Variants in LRRIQ1 observed in about 807,000 individuals in gnomAD.
LRRIQ1 encodes the protein leucine-rich repeat- and IQ domain-containing protein 1.
LRRIQ1 carries 210 observed loss-of-function variants against 211.9 expected under a neutral mutation model. That is an observed-to-expected ratio of 0.99 (90% CI 0.89 to 1.11). LRRIQ1 has a LOEUF of 1.11. Among genes scored for constraint, LRRIQ1 ranks in the 50% most tolerant of loss-of-function variants. The pLI is 0.00. For missense variants in LRRIQ1, 2,136 were observed against 1,939.5 expected, an observed-to-expected ratio of 1.10 and a Z score of -1.90; for synonymous variants, 699 against 650.1, an observed-to-expected ratio of 1.08 and a Z score of -1.14.
chr12:85,254,470 T>C (rs577726099), intron 1 of LRRIQ1, among the ~76,000 whole-genome samples: 1 of 152,246 alleles, frequency 6.6e-6, no homozygotes, highest in South Asian at 2.1e-4. Flanking sequence ...ACATTTCACA[T>C]TTACCTTAAT....
chr12:85,046,138 G>C lies in LRRIQ1; in HGVS notation c.454+1G>C. 1 of 1,557,760 alleles carries C rather than the reference G, an allele frequency of 6.4e-7. No homozygotes were observed. The highest frequency in any genetic ancestry group is 8.8e-7 in the Non-Finnish European group (1 of 1,134,772). Reference sequence around the variant, plus strand: ...CCTATGGATGAACATGTTTTACCAGGTGGACTAAATTGCTCAATGATATGT... The same window carrying C: ...CCTATGGATGAACATGTTTTACCAGCTGGACTAAATTGCTCAATGATATGT... On this transcript the variant is annotated splice_donor_variant, in intron 5 of 26. Coordinates refer to ENST00000393217, the MANE Select transcript of LRRIQ1 (RefSeq NM_001079910.2). LOFTEE classifies it high-confidence loss of function.
intron 3 of LRRIQ1, among the ~76,000 whole-genome samples, chr12:85,043,304 G>C (rs1223015385): frequency 6.6e-6 from 1 of 151,982 alleles, no homozygotes; most frequent in Non-Finnish European, 1.5e-5. Context: ...CTGAAGGCTT[G>C]ACTGGATTAC....
At chr12:85,158,655 T>C (rs1410130292) in intron 23 of LRRIQ1, among the ~76,000 whole-genome samples, 1 of 152,040 alleles carries the variant, frequency 6.6e-6, no homozygotes, top group Non-Finnish European at 1.5e-5. Context: ...TAGGGGTTTC[T>C]TGAAACATTT....
At chr12:85,130,933 G>T (rs1217852807) in intron 18 of LRRIQ1, among the ~76,000 whole-genome samples, 1 of 151,966 alleles carries the variant, frequency 6.6e-6, no homozygotes, top group East Asian at 1.9e-4. Context: ...TGATAGGCCG[G>T]GCGCAGTGGC....
chr12:85,086,639 A>G (rs1483459938), intron 11 of LRRIQ1, among the ~76,000 whole-genome samples: 3 of 149,790 alleles, frequency 2.0e-5, no homozygotes, highest in Non-Finnish European at 4.4e-5. Context: ...GGAGAGATGC[A>G]CCCTCCTCCG....
intron 18 of LRRIQ1, among the ~76,000 whole-genome samples, chr12:85,130,735 G>A (rs1012868918): frequency 2.6e-5 from 4 of 152,152 alleles, no homozygotes; most frequent in African/African-American, 9.7e-5. Flanking sequence ...AGGGAGTACA[G>A]TGTGATATAG....
At chr12:85,245,277 A>G (rs1458687107), downstream of LRRIQ1, among the ~76,000 whole-genome samples, 1 of 151,412 alleles carries the variant, frequency 6.6e-6, no homozygotes, top group Non-Finnish European at 1.5e-5. Flanking sequence ...TTTACCATTG[A>G]TTTAATAGAT....
intron 8 of LRRIQ1, among the ~76,000 whole-genome samples, chr12:85,064,466 G>A (rs1448963596): frequency 6.6e-6 from 1 of 151,590 alleles, no homozygotes; most frequent in African/African-American, 2.4e-5. Flanking sequence ...CCCTTTCTGT[G>A]GACTGTCTCT....
downstream of LRRIQ1, among the ~76,000 whole-genome samples, chr12:85,249,562 G>A (rs1007548456): frequency 6.6e-6 from 1 of 151,720 alleles, no homozygotes; most frequent in African/African-American, 2.4e-5. Context: ...CCTACAATGT[G>A]AAAATCACTT....
At chr12:85,186,481 G>A (rs1411564325) in intron 24 of LRRIQ1, among the ~76,000 whole-genome samples, 1 of 152,142 alleles carries the variant, frequency 6.6e-6, no homozygotes, top group Admixed American at 6.6e-5. Context: ...TGTAACAAGC[G>A]TAACTCCTGG....
chr12:85,098,922 G>A lies in LRRIQ1; in HGVS notation c.3137G>A (p.Ser1046Asn). The A allele has an allele frequency of 1.3e-6, 2 of 1,572,346 alleles. No homozygotes were observed. The highest frequency in any genetic ancestry group is 1.7e-6 in the Non-Finnish European group (2 of 1,156,128). The stretch of plus-strand genomic sequence containing the variant: ...AGAGAATTGCACTTGGATGATAACA[G>A]CATTTCAACTGTGGAAGCATTTTCT... The part of the protein sequence containing the change: ...LLRELHLDDN[S>N]ISTVEAFSSY... The change falls in exon 13 of 27, where the codon AGC (serine) becomes AAC (asparagine). Residue 1046 changes from serine (S) to asparagine (N), a missense_variant. By Grantham distance (46) the Ser-to-Asn change is conservative (BLOSUM62 1). Coordinates refer to ENST00000393217, the MANE Select transcript of LRRIQ1 (RefSeq NM_001079910.2).
At chr12:85,081,969 C>T (rs1325744457) in intron 11 of LRRIQ1, among the ~76,000 whole-genome samples, 1 of 151,924 alleles carries the variant, frequency 6.6e-6, no homozygotes, top group Non-Finnish European at 1.5e-5. Context: ...GTCATCTGCT[C>T]GCCTCGGCGT....
At chr12:85,120,548 T>C (rs1199109841) in intron 15 of LRRIQ1, among the ~76,000 whole-genome samples, 3 of 152,220 alleles carry the variant, frequency 2.0e-5, no homozygotes, top group Admixed American at 6.5e-5. Flanking sequence ...AGAAACACTT[T>C]GTTGATATCC....
At chr12:85,183,172 A>G (rs1892066786) in intron 24 of LRRIQ1, among the ~76,000 whole-genome samples, 1 of 152,200 alleles carries the variant, frequency 6.6e-6, no homozygotes, top group Non-Finnish European at 1.5e-5. Flanking sequence ...TTTAGTAATC[A>G]TATAGAAAAG....
Position 85,072,835 on chromosome 12 carries a change from A to ATATAAGC in LRRIQ1, c.2696-66_2696-60dup, listed in dbSNP as rs1283067441. On this transcript the variant is annotated intron_variant, in intron 10 of 26. Transcript: ENST00000393217. ...TGCTCCAGGTTTAAATTTTTTTCTC[A>ATATAAGC]TATAAGCTATAACCACTTGCATTTA... is the stretch of plus-strand genomic sequence containing the variant. 9.4e-6 allele frequency: 10 copies of ATATAAGC among 1,069,114 alleles called. No individual in the cohort carries two copies. The African/African-American group carries it at 1.3e-4, about 14-fold the overall frequency. 66.2% of individuals were successfully genotyped at this position (1,069,114 alleles called of 1,614,324 possible).
intron 15 of LRRIQ1, among the ~76,000 whole-genome samples, chr12:85,113,526 T>C (rs1887336104): frequency 6.6e-6 from 1 of 152,172 alleles, no homozygotes; most frequent in Non-Finnish European, 1.5e-5. Flanking sequence ...CACAGTCCCT[T>C]GTATGTAATA....
At chr12:85,136,763 T>C (rs2136542017) in intron 18 of LRRIQ1, among the ~76,000 whole-genome samples, 1 of 152,012 alleles carries the variant, frequency 6.6e-6, no homozygotes, top group South Asian at 2.1e-4. Flanking sequence ...CTGAAAACCA[T>C]TTTAAAATCT....
At chr12:85,135,121 TAA>T (rs1889030382) in intron 18 of LRRIQ1, among the ~76,000 whole-genome samples, 1 of 152,028 alleles carries the variant, frequency 6.6e-6, no homozygotes, top group African/African-American at 2.4e-5. Context: ...TTTTATATGT[TAA>T]GTCTTTTATT....
chr12:85,070,282 A>G (rs1045262108), intron 10 of LRRIQ1, among the ~76,000 whole-genome samples: 1 of 151,936 alleles, frequency 6.6e-6, no homozygotes, highest in Non-Finnish European at 1.5e-5. Flanking sequence ...AGCTGATGAT[A>G]GCCTAAACGC....
Sources: allele counts gnomAD v4.1 joint callset (sites outside exome capture counted in the v4.1 genomes callset), GRCh38; gene constraint gnomAD v4.1.1; transcripts MANE v1.5; gene names NCBI Gene and HGNC (gene_info 2026-07-23, HGNC 2026-07-21).